The following G3BP2 variants were observed in gnomAD, a reference collection of about 807,000 sequenced individuals.
G3BP2 encodes the protein ras GTPase-activating protein-binding protein 2.
G3BP2 carries 11 observed loss-of-function variants against 56.7 expected under a neutral mutation model. That is an observed-to-expected ratio of 0.19 (90% CI 0.12 to 0.32). The LOEUF is 0.32. Ranked by LOEUF, G3BP2 falls within the 10% of genes least tolerant of loss-of-function variation. The pLI, the probability that G3BP2 is intolerant of heterozygous loss-of-function variation, is 1.00. For synonymous variants in G3BP2, 165 were observed against 191.6 expected, an observed-to-expected ratio of 0.86 and a Z score of 1.15; for missense variants, 340 against 610.9, an observed-to-expected ratio of 0.56 and a Z score of 4.67.
upstream of G3BP2, among the ~76,000 whole-genome samples, chr4:75,676,489 T>C (rs1470125534): frequency 6.6e-6 from 1 of 152,010 alleles, no homozygotes; most frequent in Admixed American, 6.6e-5. Context: ...ACTACAGGCA[T>C]GTGCCACCAC....
chr4:75,698,971 C>A (rs181763028), intron 3 of G3BP2, among the ~76,000 whole-genome samples: 162 of 152,240 alleles, frequency 1.1e-3, no homozygotes, highest in Non-Finnish European at 1.8e-3. Flanking sequence ...GCTTGAGCCA[C>A]CACATCCTGC....
intron 8 of G3BP2, among the ~76,000 whole-genome samples, chr4:75,651,169 GA>G (rs1731676285): frequency 6.6e-6 from 1 of 152,128 alleles, no homozygotes; most frequent in African/African-American, 2.4e-5. Context: ...AATATAAACA[GA>G]ATTAGAGAAT....
intron 11 of G3BP2, among the ~76,000 whole-genome samples, chr4:75,646,085 A>C (rs1047364643): frequency 2.0e-5 from 3 of 152,206 alleles, no homozygotes; most frequent in Non-Finnish European, 4.4e-5. Context: ...CTGGGATTAC[A>C]AGTGTGAGCC....
At chr4:75,676,207 A>G (rs1733869774), upstream of G3BP2, among the ~76,000 whole-genome samples, 1 of 152,142 alleles carries the variant, frequency 6.6e-6, no homozygotes, top group African/African-American at 2.4e-5. Context: ...TCTCAAACAT[A>G]GCCTCCATGA....
At chr4:75,654,399 A>G (rs1731926681) in intron 7 of G3BP2, among the ~76,000 whole-genome samples, 2 of 152,218 alleles carry the variant, frequency 1.3e-5, no homozygotes, top group Admixed American at 1.3e-4. Flanking sequence ...AATAGAAACA[A>G]TTTATTTCCC....
intron 1 of G3BP2, among the ~76,000 whole-genome samples, chr4:75,668,956 A>G (rs140232197): frequency 2.6e-5 from 4 of 152,304 alleles, no homozygotes; most frequent in East Asian, 3.9e-4. Flanking sequence ...CTCAAATATT[A>G]TAACTCAGCT....
rs57529973 is a variant in G3BP2, at chr4:75,702,171, A to ATTTT, written c.-25+18702_-25+18705dup. 2.9e-3 allele frequency among the ~76,000 whole-genome samples: 310 copies of ATTTT among 107,400 alleles called. 1 individual carries two copies. The highest frequency in any genetic ancestry group is 3.9e-3 in the East Asian group (13 of 3,342). 70.5% of individuals were successfully genotyped at this position (107,400 alleles called of 152,430 possible). On this transcript the variant is annotated intron_variant, in intron 3 of 3. Coordinates refer to the G3BP2 transcript ENST00000499709. The stretch of plus-strand genomic sequence containing the variant: ...CTTAAGATGGTATATAAACCCCCCA[A>ATTTT]TTTTTTTTTTTTTTTTTTTTTTGAG...
chr4:75,715,873 C>T (rs1560424726), intron 3 of G3BP2, among the ~76,000 whole-genome samples: 2 of 152,048 alleles, frequency 1.3e-5, no homozygotes. Flanking sequence ...TTTATTACAC[C>T]ATAAATACCA....
At chr4:75,713,514 G>A (rs984154447) in intron 3 of G3BP2, among the ~76,000 whole-genome samples, 17 of 152,294 alleles carry the variant, frequency 1.1e-4, no homozygotes, top group East Asian at 5.8e-4. Flanking sequence ...AGGGAGTGGT[G>A]GATCCTGCCT....
At chr4:75,718,016 A>G (rs1348886971) in intron 3 of G3BP2, among the ~76,000 whole-genome samples, 2 of 151,948 alleles carry the variant, frequency 1.3e-5, no homozygotes, top group Non-Finnish European at 2.9e-5. Flanking sequence ...GCACGCACCT[A>G]TAATCCCAGC....
chr4:75,663,199 T>C (rs1423748973), intron 1 of G3BP2, among the ~76,000 whole-genome samples: 3 of 152,230 alleles, frequency 2.0e-5, no homozygotes, highest in African/African-American at 7.2e-5. Flanking sequence ...TTAGGTGCTA[T>C]GATAATGTGC....
chr4:75,693,381 T>C (rs1367774300), intron 3 of G3BP2, among the ~76,000 whole-genome samples: 1 of 152,170 alleles, frequency 6.6e-6, no homozygotes, highest in Non-Finnish European at 1.5e-5. Flanking sequence ...TAGCTGCTAC[T>C]TCCTTGGGAT....
intron 8 of G3BP2, among the ~76,000 whole-genome samples, chr4:75,652,638 A>T (rs1046536340): frequency 6.6e-6 from 1 of 152,116 alleles, no homozygotes; most frequent in African/African-American, 2.4e-5. Flanking sequence ...TGTCTCAAAA[A>T]AATAAACGTT....
upstream of G3BP2, among the ~76,000 whole-genome samples, chr4:75,676,392 G>GA (rs1733879416): frequency 7.0e-6 from 1 of 142,946 alleles, no homozygotes; most frequent in Non-Finnish European, 1.5e-5. Flanking sequence ...ATCCAGGCTG[G>GA]AGTGCAATGG....
intron 3 of G3BP2, among the ~76,000 whole-genome samples, chr4:75,716,455 G>A (rs1315870917): frequency 6.6e-5 from 10 of 151,902 alleles, no homozygotes; most frequent in Admixed American, 1.3e-4. Context: ...AATTACAGGC[G>A]TGAGCCACCA....
At chr4:75,673,625 T>C (rs1211577139), upstream of G3BP2, 10 of 1,230,528 alleles carry the variant, frequency 8.1e-6, no homozygotes, top group East Asian at 2.8e-4. Context: ...AAAGCCAAGA[T>C]AAGAGTCCGC....
chr4:75,699,712 CATA>C (rs1385901610), intron 3 of G3BP2, among the ~76,000 whole-genome samples: 1 of 152,160 alleles, frequency 6.6e-6, no homozygotes, highest in Non-Finnish European at 1.5e-5. Context: ...CTCACACTGA[CATA>C]ATATTTTCTC....
rs1479191343 is a variant in G3BP2, at chr4:75,645,308, T to C, written c.*122A>G. ...CAATTTAACTGATAACCAAAGATGC[T>C]TTTCACATCAAAGAAATGATCAAAA... On this transcript the variant is annotated 3_prime_UTR_variant, in exon 12 of 12. Coordinates refer to ENST00000359707, the MANE Select transcript of G3BP2 (RefSeq NM_203505.3). The C allele has an allele frequency of 2.4e-5, 21 of 857,298 alleles. No homozygotes were observed. The highest frequency in any genetic ancestry group is 3.4e-5 in the Non-Finnish European group (19 of 559,716). The allele number at this position is 857,298 out of a possible 1,614,324, so 53.1% of individuals were successfully genotyped here.
rs547270824 is a variant in G3BP2, at chr4:75,648,339, T to TC, written c.928+299dup. On this transcript the variant is annotated intron_variant, in intron 9 of 11. Coordinates refer to ENST00000359707, the MANE Select transcript of G3BP2 (RefSeq NM_203505.3). Reference sequence around the variant, plus strand: ...CTCCAGCCTGGCGACAGAGCAAGACTCCGTCTCAAAAAAAAAACAAACAAA... The same window carrying TC: ...CTCCAGCCTGGCGACAGAGCAAGACTCCCGTCTCAAAAAAAAAACAAACAAA... 1.1e-4 allele frequency among the ~76,000 whole-genome samples: 12 copies of TC among 109,044 alleles called. No individual in the cohort carries two copies. In the South Asian group the frequency reaches 4.0e-3, roughly 37 times the overall value. 71.5% of individuals were successfully genotyped at this position (109,044 alleles called of 152,430 possible).
Sources: gnomAD v4.1 joint callset for allele counts (sites outside exome capture counted in the v4.1 genomes callset) on GRCh38, gnomAD v4.1.1 for gene constraint, MANE v1.5 for transcripts, NCBI Gene and HGNC (gene_info 2026-07-23, HGNC 2026-07-21) for gene names.